The following SYNE2 variants were observed in gnomAD, a reference collection of about 807,000 sequenced individuals.
SYNE2 encodes the protein nesprin-2.
SYNE2 carries 431 observed loss-of-function variants against 856.3 expected under a neutral mutation model. The observed-to-expected ratio is 0.50, with a 90% CI of 0.47 to 0.55. The LOEUF (loss-of-function observed/expected upper bound fraction) is 0.55. Among genes scored for constraint, SYNE2 ranks in the 20% least tolerant of loss-of-function variants. SYNE2 has a pLI of 0.00. For missense variants in SYNE2, 8,129 were observed against 8,023.2 expected (o/e 1.01, Z -0.50); for synonymous variants, 2,923 against 2,872.3 (o/e 1.02, Z -0.56).
intron 30 of SYNE2, 136 bp from the exon 31 acceptor site, chr14:64,006,906 GT>G: frequency 1.4e-6 from 1 of 710,768 alleles, no homozygotes; most frequent in South Asian, 1.6e-5. Context: ...CCTGAACTCT[GT>G]AACAGGAATG....
At chr14:64,047,935 GA>G in intron 45 of SYNE2, 64 bp from the exon 46 acceptor site, 2 of 1,551,376 alleles carry the variant, frequency 1.3e-6, no homozygotes, top group Non-Finnish European at 1.8e-6. Context: ...TTTTCATCAA[GA>G]AAAATAAAAA....
In SYNE2 at chr14:63,790,869, C is replaced by G. The variant is rs369157042; in HGVS notation, c.-305+28883C>G. Among the ~76,000 whole-genome samples, 3 of 152,080 alleles carry G rather than the reference C, an allele frequency of 2.0e-5. No individual in the cohort carries two copies. The East Asian group carries it at 5.8e-4, about 29-fold the overall frequency. Reference sequence around the variant, plus strand: ...CTGGGTTCTTTGCAAACTCTCCTGTCTAGAGACAGGAGAAAATCATGTATA... The same window carrying G: ...CTGGGTTCTTTGCAAACTCTCCTGTGTAGAGACAGGAGAAAATCATGTATA... On this transcript the variant is annotated intron_variant, in intron 1 of 23. Transcript: ENST00000674003.
rs566578346 is a variant in SYNE2 at position 63,947,726 on chromosome 14, A to G, written c.409-2099A>G. Among the ~76,000 whole-genome samples, 9 of 152,170 alleles carry G rather than the reference A, an allele frequency of 5.9e-5. No homozygotes were observed. In the South Asian group the frequency reaches 1.9e-3, roughly 32 times the overall value. On this transcript the variant is annotated intron_variant, in intron 6 of 115. Transcript: ENST00000555002. ...GTGGTGCATGCCTGTAATTCCAGCT[A>G]CTCGAGAGGCTGAGGCAGGAGAATC...
In SYNE2 at chr14:64,168,900, A is replaced by G; in HGVS notation, c.16929A>G (p.Ile5643Met). 1 of 1,613,986 alleles carries G rather than the reference A, an allele frequency of 6.2e-7. No individual in the cohort carries two copies. The highest frequency in any genetic ancestry group is 1.1e-5 in the South Asian group (1 of 91,084). ...TYKMLEAEVS[I>M]NQTIADSYVT... ...AGATGTTAGAAGCTGAAGTTTCTAT[A>G]AACCAGACAATTGCTGATTCCTATG... is the stretch of plus-strand genomic sequence containing the variant. Residue 5643 changes from isoleucine to methionine, a missense_variant, in exon 93 of 116, where the codon ATA (isoleucine) becomes ATG (methionine). Physicochemically the swap from Ile to Met is conservative, Grantham distance 10. Coordinates refer to ENST00000555002, the MANE Select transcript of SYNE2 (RefSeq NM_182914.3).
chr14:63,889,985 T>C (rs1286859765), intron 1 of SYNE2, among the ~76,000 whole-genome samples: 2 of 152,026 alleles, frequency 1.3e-5, no homozygotes. Context: ...CTCTGTGTAG[T>C]ATTCCTTCCA....
chr14:64,018,204 G>A (rs915680037), intron 34 of SYNE2, among the ~76,000 whole-genome samples: 2 of 152,192 alleles, frequency 1.3e-5, no homozygotes, highest in South Asian at 2.1e-4. Flanking sequence ...AATTGCTCCC[G>A]GGTAGCAATA....
At chr14:63,851,908 C>CCCCGACTCTA (rs1328104785), upstream of SYNE2, among the ~76,000 whole-genome samples, 1 of 145,358 alleles carries the variant, frequency 6.9e-6, no homozygotes, top group African/African-American at 2.6e-5. Context: ...CACAGCCAAA[C>CCCCGACTCTA]CCCGACTCTA....
chr14:64,038,268 A>C (rs546859942), intron 45 of SYNE2, among the ~76,000 whole-genome samples: 1 of 148,278 alleles, frequency 6.7e-6, no homozygotes, highest in East Asian at 2.0e-4. Context: ...GGCGCTCCTC[A>C]CTTCCTAGAT....
intron 2 of SYNE2, among the ~76,000 whole-genome samples, chr14:63,922,860 C>A (rs79337225): frequency 0.013 from 2,018 of 152,188 alleles, 45 homozygotes; most frequent in African/African-American, 0.046. Context: ...AAACAATAAC[C>A]CTGAGTAATT....
chr14:63,947,828 ACT>A (rs1223627349), intron 6 of SYNE2, among the ~76,000 whole-genome samples: 3 of 151,338 alleles, frequency 2.0e-5, no homozygotes, highest in Non-Finnish European at 2.9e-5. Flanking sequence ...CAAGAGTGAA[ACT>A]CTGTCTAAAA....
intron 15 of SYNE2, 109 bp downstream of exon 15, chr14:63,980,841 T>A (rs1368227943): frequency 8.2e-6 from 9 of 1,100,124 alleles, no homozygotes; most frequent in African/African-American, 3.2e-5. Context: ...TGTGCATGTT[T>A]TCCTGGGAAA....
In SYNE2 at chr14:63,986,629, A is replaced by G; in HGVS notation, c.2313+12A>G. ...AAGAATCTTTGAAGGTATGTGTGTA[A>G]AAGTATTAAGAGGGTACTTTCATGG... On this transcript the variant is annotated intron_variant, in intron 19 of 115. Transcript: ENST00000555002. 6.2e-7 allele frequency: 1 copy of G among 1,613,762 alleles called. No homozygotes were observed. Among genetic ancestry groups the G allele is most frequent in the Non-Finnish European group, 8.5e-7 (1 of 1,179,754 alleles).
chr14:63,990,656 T>C, intron 20 of SYNE2, 87 bp downstream of exon 20: 1 of 1,165,864 alleles, frequency 8.6e-7, no homozygotes, highest in South Asian at 1.3e-5. Context: ...GTGATAGCCC[T>C]GTAGCTTGGA....
rs1370137250 is a variant in SYNE2 at position 64,134,331 on chromosome 14, A to G, written c.14646+131A>G. The G allele has an allele frequency of 2.8e-5, 27 of 981,552 alleles. No individual in the cohort carries two copies. The Admixed American group carries it at 4.1e-4, about 15-fold the overall frequency. The allele number at this position is 981,552 out of a possible 1,614,324, so 60.8% of individuals were successfully genotyped here. A position where few individuals can be genotyped will look rare whatever the true frequency, so the allele number is the denominator to read the frequency against. On this transcript the variant is annotated intron_variant, in intron 78 of 115. Coordinates refer to ENST00000555002, the MANE Select transcript of SYNE2 (RefSeq NM_182914.3). Reference sequence around the variant, plus strand: ...ATGTTCATCATACAACTCACTGTTGAATGTATTCAGGGAGACTACAGATTT... The same window carrying G: ...ATGTTCATCATACAACTCACTGTTGGATGTATTCAGGGAGACTACAGATTT...
intron 111 of SYNE2, 179 bp from the exon 112 acceptor site, chr14:64,221,397 T>C: frequency 8.8e-7 from 1 of 1,139,144 alleles, no homozygotes; most frequent in African/African-American, 1.5e-5. Context: ...GTGTCTTCCT[T>C]CTTTCCTCTT....
At chr14:64,102,555 G>T (rs1338328464) in intron 64 of SYNE2, among the ~76,000 whole-genome samples, 2 of 128,680 alleles carry the variant, frequency 1.6e-5, no homozygotes, top group Non-Finnish European at 3.2e-5. Flanking sequence ...TATATTTATG[G>T]TATACAACAT....
intron 1 of SYNE2, among the ~76,000 whole-genome samples, chr14:63,904,556 T>G (rs866177565): frequency 2.0e-5 from 3 of 152,190 alleles, no homozygotes; most frequent in Admixed American, 6.5e-5. Flanking sequence ...TGATTTGTAT[T>G]TCTCTGATAA....
chr14:64,160,728 G>A (rs2098322839), intron 87 of SYNE2, among the ~76,000 whole-genome samples: 1 of 152,148 alleles, frequency 6.6e-6, no homozygotes, highest in South Asian at 2.1e-4. Flanking sequence ...TCAGAAAGGA[G>A]ATTGACCATT....
At chr14:64,210,676 G>T (rs1373317762) in intron 103 of SYNE2, among the ~76,000 whole-genome samples, 2 of 152,254 alleles carry the variant, frequency 1.3e-5, no homozygotes, top group African/African-American at 4.8e-5. Context: ...CAGAAGATGT[G>T]CTGTGTAAAC....
Sources: gnomAD v4.1 joint callset for allele counts (sites outside exome capture counted in the v4.1 genomes callset) on GRCh38, gnomAD v4.1.1 for gene constraint, MANE v1.5 for transcripts, NCBI Gene and HGNC (gene_info 2026-07-23, HGNC 2026-07-21) for gene names.